The following CTNNA3 variants were observed in gnomAD, a reference collection of about 807,000 sequenced individuals.
CTNNA3 encodes the protein catenin alpha-3.
A neutral mutation model predicts 95.7 loss-of-function variants in CTNNA3; 76 were observed. The observed-to-expected ratio is 0.79, with a 90% confidence interval of 0.66 to 0.96. The LOEUF is 0.96. CTNNA3 is among the 40% of genes least tolerant of loss of function. CTNNA3 has a pLI of 0.00. For synonymous variants in CTNNA3, 431 were observed against 374.4 expected (o/e 1.15, Z -1.74); for missense variants, 1,191 against 1,089.8 (o/e 1.09, Z -1.31).
intron 1 of CTNNA3, among the ~76,000 whole-genome samples, chr10:67,741,327 A>T (rs12253941): frequency 6.8e-6 from 1 of 148,072 alleles, no homozygotes; most frequent in Admixed American, 6.7e-5. Flanking sequence ...AAATAAAAAA[A>T]TAAAAAATAA....
At chr10:66,737,335 T>G (rs117552403) in intron 9 of CTNNA3, among the ~76,000 whole-genome samples, 1 of 152,270 alleles carries the variant, frequency 6.6e-6, no homozygotes, top group Non-Finnish European at 1.5e-5. Flanking sequence ...GTGGCCAGTG[T>G]TGCAAAAGTT....
At chr10:66,403,431 G>A (rs943137532) in intron 11 of CTNNA3, among the ~76,000 whole-genome samples, 2 of 152,188 alleles carry the variant, frequency 1.3e-5, no homozygotes, top group African/African-American at 4.8e-5. Context: ...ATGGCGGAAG[G>A]TGAAGGAGAA....
chr10:66,410,665 GT>G (rs1335282813), intron 11 of CTNNA3, among the ~76,000 whole-genome samples: 1 of 152,092 alleles, frequency 6.6e-6, no homozygotes, highest in African/African-American at 2.4e-5. Context: ...CTGTCACTGG[GT>G]TTCCCCTGCC....
chr10:66,583,207 G>A (rs1157230147), intron 10 of CTNNA3, among the ~76,000 whole-genome samples: 1 of 151,822 alleles, frequency 6.6e-6, no homozygotes, highest in Non-Finnish European at 1.5e-5. Flanking sequence ...AGATTCAATC[G>A]AATTAGTACC....
At chr10:66,042,987 T>C (rs1210796420) in intron 15 of CTNNA3, among the ~76,000 whole-genome samples, 2 of 134,718 alleles carry the variant, frequency 1.5e-5, no homozygotes, top group Admixed American at 7.7e-5. Context: ...GAGAATAAGA[T>C]AAGAGGAGTA....
chr10:67,030,361 C>A (rs1166422247), intron 7 of CTNNA3, among the ~76,000 whole-genome samples: 1 of 151,934 alleles, frequency 6.6e-6, no homozygotes, highest in East Asian at 1.9e-4. Flanking sequence ...TTTTAAAAAC[C>A]CTCTTAATTA....
chr10:66,333,568 G>A (rs953932807), intron 12 of CTNNA3, among the ~76,000 whole-genome samples: 4 of 152,036 alleles, frequency 2.6e-5, no homozygotes, highest in Admixed American at 6.6e-5. Context: ...CTGAGTTCGA[G>A]TTTGATTGCA....
intron 5 of CTNNA3, among the ~76,000 whole-genome samples, chr10:67,351,807 T>C (rs1842648641): frequency 1.3e-5 from 2 of 151,990 alleles, no homozygotes; most frequent in East Asian, 1.9e-4. Context: ...TACTGTTTCC[T>C]AACAAGAGGA....
chr10:67,743,425 G>T lies in CTNNA3; in HGVS notation c.-2+20009C>A, dbSNP rs532452903. 3.4e-3 allele frequency among the ~76,000 whole-genome samples: 512 copies of T among 151,376 alleles called. 12 individuals are homozygous for T. Among genetic ancestry groups the T allele is most frequent in the African/African-American group, 0.011 (474 of 41,374 alleles). ...CCACATGATAATCTCAATAGATGCA[G>T]AAAAGGCCTTTGACAAAATTCAACA... On this transcript the variant is annotated intron_variant, in intron 1 of 17. Coordinates refer to the CTNNA3 transcript ENST00000684154.
chr10:66,402,184 T>C (rs1354519202), intron 11 of CTNNA3, among the ~76,000 whole-genome samples: 2 of 152,194 alleles, frequency 1.3e-5, no homozygotes, highest in Middle Eastern at 3.2e-3. Flanking sequence ...CATAAGAAAG[T>C]AATCACTAAC....
At chr10:67,330,859 T>C (rs1841763631) in intron 5 of CTNNA3, among the ~76,000 whole-genome samples, 1 of 152,084 alleles carries the variant, frequency 6.6e-6, no homozygotes, top group South Asian at 2.1e-4. Context: ...GGAAAAGCAA[T>C]TACGGCAATT....
intron 13 of CTNNA3, among the ~76,000 whole-genome samples, chr10:66,187,619 T>C (rs2086413488): frequency 6.6e-6 from 1 of 151,884 alleles, no homozygotes; most frequent in Admixed American, 6.6e-5. Context: ...GGGAGACTTA[T>C]TGGTTCCAGC....
At chr10:66,887,620 G>A (rs1019521286) in intron 7 of CTNNA3, among the ~76,000 whole-genome samples, 2 of 152,080 alleles carry the variant, frequency 1.3e-5, no homozygotes, top group Non-Finnish European at 2.9e-5. Context: ...ATAGGAGTGA[G>A]TAAAGTTATT....
chr10:65,967,297 A>C (rs1362186015), intron 16 of CTNNA3, among the ~76,000 whole-genome samples: 1 of 152,154 alleles, frequency 6.6e-6, no homozygotes, highest in Non-Finnish European at 1.5e-5. Context: ...AAGGTATATA[A>C]AATAGCTGCC....
chr10:67,667,630 G>A (rs1840355018), intron 1 of CTNNA3, among the ~76,000 whole-genome samples: 1 of 152,036 alleles, frequency 6.6e-6, no homozygotes, highest in Non-Finnish European at 1.5e-5. Flanking sequence ...CTTTAAAGGG[G>A]AATTCTATTT....
intron 1 of CTNNA3, among the ~76,000 whole-genome samples, chr10:67,751,449 A>T (rs1564846419): frequency 6.6e-6 from 1 of 152,204 alleles, no homozygotes; most frequent in Admixed American, 6.5e-5. Context: ...AGCAAATGAC[A>T]GTTTTTTCCA....
intron 7 of CTNNA3, among the ~76,000 whole-genome samples, chr10:67,126,284 T>G (rs892912938): frequency 1.3e-5 from 2 of 152,116 alleles, no homozygotes; most frequent in African/African-American, 4.8e-5. Flanking sequence ...ATCCCAGCAC[T>G]TTGGGAGGCC....
At chr10:66,100,412 T>C (rs1256908784) in intron 14 of CTNNA3, among the ~76,000 whole-genome samples, 1 of 152,132 alleles carries the variant, frequency 6.6e-6, no homozygotes, top group Non-Finnish European at 1.5e-5. Context: ...AATCCAATTA[T>C]TTGGGATTTA....
chr10:66,215,882 C>G (rs375038156), intron 13 of CTNNA3, among the ~76,000 whole-genome samples: 79 of 152,336 alleles, frequency 5.2e-4, no homozygotes, highest in African/African-American at 1.9e-3. Context: ...GGAGGAATTT[C>G]ACTGTCTCCC....
Sources: gnomAD v4.1 joint callset for allele counts (sites outside exome capture counted in the v4.1 genomes callset) on GRCh38, gnomAD v4.1.1 for gene constraint, MANE v1.5 for transcripts, NCBI Gene and HGNC (gene_info 2026-07-23, HGNC 2026-07-21) for gene names.